ATP2B4: variants seen among roughly 807,000 people sequenced by gnomAD.
ATP2B4 encodes ATPase plasma membrane Ca2+ transporting 4.
In ATP2B4, 39 loss-of-function variants were observed where a neutral mutation model predicts 110.3. The observed-to-expected ratio is 0.35, with a 90% CI of 0.27 to 0.46. ATP2B4 has a LOEUF of 0.46. Ranked by LOEUF, ATP2B4 falls within the 20% of genes least tolerant of loss-of-function variation. The probability of loss-of-function intolerance (pLI) is 1.00; values close to 1 mark genes in which losing one functional copy is unlikely to be tolerated. For missense variants in ATP2B4, 1,135 were observed against 1,530.9 expected, an observed-to-expected ratio of 0.74 and a Z score of 4.32; for synonymous variants, 538 against 571.7, an observed-to-expected ratio of 0.94 and a Z score of 0.84.
chr1:203,630,361 CTCTCTCTCTT>C lies in ATP2B4; in HGVS notation c.-465+3144_-465+3153del, dbSNP rs1163924653. Reference sequence around the variant, plus strand: ...CGAAACCCCTTTTCTCTCTCTCTCTCTCTCTCTCTTTTTTTTTTTTTTTTTTCAATGCTCC... The same window carrying C: ...CGAAACCCCTTTTCTCTCTCTCTCTCTTTTTTTTTTTTTTTTCAATGCTCC... On this transcript the variant is annotated intron_variant, in intron 1 of 20. Transcript: ENST00000357681. Among the ~76,000 whole-genome samples the C allele has an allele frequency of 3.5e-3, 98 of 28,242 alleles. No individual in the cohort carries two copies. The South Asian group carries it at 0.075, about 22-fold the overall frequency. 18.5% of individuals were successfully genotyped at this position (28,242 alleles called of 152,430 possible). A position where few individuals can be genotyped will look rare whatever the true frequency, so the allele number is the denominator to read the frequency against.
chr1:203,709,865 C>T (rs928027842), intron 11 of ATP2B4, among the ~76,000 whole-genome samples: 5 of 152,170 alleles, frequency 3.3e-5, no homozygotes, highest in African/African-American at 4.8e-5. Context: ...CAGACCTGGA[C>T]GATCCTAAGT....
intron 20 of ATP2B4, chr1:203,728,056 AC>A (rs1666576623): frequency 2.8e-6 from 1 of 362,472 alleles, no homozygotes; most frequent in African/African-American, 2.2e-5. Flanking sequence ...AAAGAAACTC[AC>A]CTTGTTATAT....
At chr1:203,648,366 A>G (rs1208567047) in intron 1 of ATP2B4, among the ~76,000 whole-genome samples, 1 of 152,156 alleles carries the variant, frequency 6.6e-6, no homozygotes, top group Non-Finnish European at 1.5e-5. Context: ...ACCAGCCAAA[A>G]GATAATTAGC....
intron 20 of ATP2B4, among the ~76,000 whole-genome samples, chr1:203,731,916 C>G (rs567330240): frequency 6.8e-6 from 1 of 147,594 alleles, no homozygotes; most frequent in African/African-American, 2.5e-5. Context: ...CAGTGGCTCA[C>G]GCCTGTAATC....
At chr1:203,673,227 G>A (rs1301824311) in intron 1 of ATP2B4, among the ~76,000 whole-genome samples, 2 of 152,178 alleles carry the variant, frequency 1.3e-5, no homozygotes, top group East Asian at 3.8e-4. Context: ...CCCCACCTCC[G>A]TTCTTGTGCA....
At chr1:203,726,391 A>G (rs111793134) in intron 19 of ATP2B4, among the ~76,000 whole-genome samples, 134 of 150,040 alleles carry the variant, frequency 8.9e-4, no homozygotes, top group African/African-American at 3.1e-3. Context: ...GTCTGACCCA[A>G]TTCCCTCCAC....
chr1:203,716,990 G>C (rs1234162874), intron 15 of ATP2B4, among the ~76,000 whole-genome samples: 2 of 144,232 alleles, frequency 1.4e-5, no homozygotes, highest in Non-Finnish European at 3.1e-5. Context: ...CACGAGGTCA[G>C]GAGTTCAAGA....
chr1:203,640,158 G>A (rs1571669042), intron 1 of ATP2B4, among the ~76,000 whole-genome samples: 1 of 152,102 alleles, frequency 6.6e-6, no homozygotes, highest in Admixed American at 6.5e-5. Flanking sequence ...TATTATTCCG[G>A]TGACCCCCTC....
chr1:203,660,462 C>T (rs935640086), intron 1 of ATP2B4, among the ~76,000 whole-genome samples: 12 of 148,942 alleles, frequency 8.1e-5, no homozygotes, highest in Admixed American at 2.0e-4. Flanking sequence ...ATGTAACAGC[C>T]GATGAATAGG....
intron 7 of ATP2B4, among the ~76,000 whole-genome samples, 157 bp downstream of exon 7, chr1:203,702,236 G>C (rs1176049553): frequency 6.6e-6 from 1 of 152,074 alleles, no homozygotes; most frequent in African/African-American, 2.4e-5. Flanking sequence ...AGATTTTTGG[G>C]GTGGTCTCAA....
At position 203,665,099 on chromosome 1, in the gene ATP2B4, G is replaced by A. The variant is rs190651854; in HGVS notation, c.-464-17643G>A. Among the ~76,000 whole-genome samples, 404 of 152,268 alleles carry A rather than the reference G, an allele frequency of 2.7e-3. 2 individuals carry two copies. In the East Asian group the frequency reaches 0.034, roughly 13 times the overall value. ...CTCCCAAAGTGCTGGGATTACAGGCGTGAGCCACCGCACCCGGCCCTTAAG... is the reference window on the plus strand; with the variant it reads ...CTCCCAAAGTGCTGGGATTACAGGCATGAGCCACCGCACCCGGCCCTTAAG... On this transcript the variant is annotated intron_variant, in intron 1 of 20. Coordinates refer to ENST00000357681, the MANE Select transcript of ATP2B4 (RefSeq NM_001684.5).
chr1:203,663,417 G>C (rs1161474417), intron 1 of ATP2B4, among the ~76,000 whole-genome samples: 1 of 151,896 alleles, frequency 6.6e-6, no homozygotes, highest in Non-Finnish European at 1.5e-5. Flanking sequence ...TACTCTCAGG[G>C]TACCCATGGC....
intron 1 of ATP2B4, among the ~76,000 whole-genome samples, chr1:203,654,050 C>T (rs1289541032): frequency 7.0e-6 from 1 of 142,534 alleles, no homozygotes; most frequent in Non-Finnish European, 1.5e-5. Flanking sequence ...ATTGTGCGAT[C>T]TCAGCTCACT....
At chr1:203,707,392 A>G (rs552532827) in intron 9 of ATP2B4, among the ~76,000 whole-genome samples, 169 bp downstream of exon 9, 1 of 152,312 alleles carries the variant, frequency 6.6e-6, no homozygotes, top group East Asian at 1.9e-4. Context: ...TGTCAGATGC[A>G]TCAATGTTGA....
Position 203,727,584 on chromosome 1 carries a change from T to A in ATP2B4, c.3309+13T>A. ...TATCCAGACTCAGGTACTCTGATAG[T>A]GGTCTGTCCTTCCCTTGGGAGAAGC... On this transcript the variant is annotated intron_variant, in intron 20 of 20. Coordinates refer to ENST00000357681, the MANE Select transcript of ATP2B4 (RefSeq NM_001684.5). The A allele has an allele frequency of 1.2e-6, 2 of 1,613,078 alleles. No homozygotes were observed. Among genetic ancestry groups the A allele is most frequent in the Non-Finnish European group, 1.7e-6 (2 of 1,179,748 alleles).
At chr1:203,656,135 CA>C (rs1334055190) in intron 1 of ATP2B4, among the ~76,000 whole-genome samples, 5 of 151,522 alleles carry the variant, frequency 3.3e-5, no homozygotes, top group African/African-American at 1.2e-4. Flanking sequence ...CAACATATCA[CA>C]GATCACAAAA....
At chr1:203,696,115 T>G (rs1392184961) in intron 2 of ATP2B4, among the ~76,000 whole-genome samples, 1 of 151,892 alleles carries the variant, frequency 6.6e-6, no homozygotes, top group East Asian at 1.9e-4. Flanking sequence ...TTAGTAGAGA[T>G]GAGGTTTCAC....
intron 9 of ATP2B4, 94 bp downstream of exon 9, chr1:203,707,317 A>G: frequency 7.7e-7 from 1 of 1,293,590 alleles, no homozygotes; most frequent in Non-Finnish European, 1.1e-6. Context: ...CCATTCTATC[A>G]TCTATAAACT....
intron 1 of ATP2B4, among the ~76,000 whole-genome samples, chr1:203,669,848 T>C (rs1418588887): frequency 6.6e-6 from 1 of 152,218 alleles, no homozygotes; most frequent in African/African-American, 2.4e-5. Flanking sequence ...GCTCTGGAGC[T>C]GAGGTTGGGA....
Sources: allele counts gnomAD v4.1 joint callset (sites outside exome capture counted in the v4.1 genomes callset), GRCh38; gene constraint gnomAD v4.1.1; transcripts MANE v1.5; gene names NCBI Gene and HGNC (gene_info 2026-07-23, HGNC 2026-07-21).